Variants in SZRD1 observed in about 807,000 individuals in gnomAD.
SZRD1 encodes the protein SUZ RNA binding domain containing 1.
A neutral mutation model predicts 17.6 loss-of-function variants in SZRD1; 7 were observed. The observed-to-expected ratio is 0.40, with a 90% CI of 0.23 to 0.75. The LOEUF is 0.75. Among genes scored for constraint, SZRD1 ranks in the 30% least tolerant of loss-of-function variants. The probability of loss-of-function intolerance (pLI) is 0.38; values close to 1 mark genes in which losing one functional copy is unlikely to be tolerated. For synonymous variants in SZRD1, 77 were observed against 77.9 expected, an observed-to-expected ratio of 0.99 and a Z score of 0.06; for missense variants, 178 against 201.8, an observed-to-expected ratio of 0.88 and a Z score of 0.71.
At chr1:16,384,529 G>A (rs556072572) in intron 1 of SZRD1, among the ~76,000 whole-genome samples, 1 of 152,192 alleles carries the variant, frequency 6.6e-6, no homozygotes, top group Non-Finnish European at 1.5e-5. Flanking sequence ...TGATTCCCAA[G>A]GAATCAGAAT....
chr1:16,386,111 C>T (rs541136136), intron 1 of SZRD1, among the ~76,000 whole-genome samples: 2 of 152,338 alleles, frequency 1.3e-5, no homozygotes, highest in Admixed American at 6.5e-5. Flanking sequence ...CAGAATGTCA[C>T]CTTCTGTGGG....
In SZRD1 at chr1:16,381,598, G is replaced by A. The variant is rs551334561; in HGVS notation, c.52-9777G>A. ...ATCAGAGAAGGTCTCTTAAAGATAG[G>A]TAGAGAGATTTAAAAGAAGTGCAGC... On this transcript the variant is annotated intron_variant, in intron 1 of 3. Coordinates refer to ENST00000401088, the MANE Select transcript of SZRD1 (RefSeq NM_001114600.3). 5.6e-4 allele frequency among the ~76,000 whole-genome samples: 85 copies of A among 150,840 alleles called. 2 individuals are homozygous for A. The South Asian group carries it at 0.013, about 22-fold the overall frequency.
chr1:16,389,466 C>G (rs2085189177), intron 1 of SZRD1, among the ~76,000 whole-genome samples: 2 of 57,108 alleles, frequency 3.5e-5, no homozygotes, highest in Admixed American at 6.3e-4. Flanking sequence ...CAACGCCTGG[C>G]TAATTTTTTT....
Position 16,397,810 on chromosome 1 carries a change from C to T in SZRD1, c.*2670C>T, listed in dbSNP as rs924390572. 4.9e-5 allele frequency: 9 copies of T among 184,706 alleles called. No individual in the cohort carries two copies. Among genetic ancestry groups the T allele is most frequent in the East Asian group, 1.9e-4 (1 of 5,376 alleles). 11.4% of individuals were successfully genotyped at this position (184,706 alleles called of 1,614,324 possible). On this transcript the variant is annotated 3_prime_UTR_variant, in exon 4 of 4. Coordinates refer to ENST00000401088, the MANE Select transcript of SZRD1 (RefSeq NM_001114600.3). The surrounding 1 kb of genome is among the most constrained non-coding windows in gnomAD (Gnocchi z 5.4). ...CCTTCCAGAGCCCATCTGCCCCGCCCAGCCCTGCCCTGCCCAGCCATACCC... is the reference window on the plus strand; with the variant it reads ...CCTTCCAGAGCCCATCTGCCCCGCCTAGCCCTGCCCTGCCCAGCCATACCC...
intron 1 of SZRD1, among the ~76,000 whole-genome samples, chr1:16,378,719 T>C (rs2083043591): frequency 6.6e-6 from 1 of 152,038 alleles, no homozygotes; most frequent in Non-Finnish European, 1.5e-5. Context: ...GATGTTGTTA[T>C]CTGTCAGCCC....
In SZRD1 at chr1:16,395,483, A is replaced by G. The variant is rs546710173; in HGVS notation, c.*343A>G. 2 of 305,774 alleles carry G rather than the reference A, an allele frequency of 6.5e-6. No individual in the cohort carries two copies. The highest frequency in any genetic ancestry group is 4.3e-5 in the African/African-American group (2 of 47,052). 18.9% of individuals were successfully genotyped at this position (305,774 alleles called of 1,614,324 possible). On this transcript the variant is annotated 3_prime_UTR_variant, in exon 4 of 4. Transcript: ENST00000401088. Reference sequence around the variant, plus strand: ...ACTTGGGGTAAAGCCAGTGCCAGCAATAACAGTTTATCATGCTCATTAATT... The same window carrying G: ...ACTTGGGGTAAAGCCAGTGCCAGCAGTAACAGTTTATCATGCTCATTAATT...
chr1:16,393,121 G>T lies in SZRD1; in HGVS notation c.102-107G>T. The T allele has an allele frequency of 6.9e-7, 1 of 1,438,902 alleles. No individual in the cohort carries two copies. Among genetic ancestry groups the T allele is most frequent in the Non-Finnish European group, 9.6e-7 (1 of 1,043,786 alleles). The allele number at this position is 1,438,902 out of a possible 1,614,324, so 89.1% of individuals were successfully genotyped here. ...TCAGAGGCCAGAGAATCATGCATGG[G>T]TAGAATTAGGGAGGGAGAGGAAAGT... is the stretch of plus-strand genomic sequence containing the variant. On this transcript the variant is annotated intron_variant, in intron 2 of 3. Transcript: ENST00000401088. The surrounding 1 kb of genome is among the most constrained non-coding windows in gnomAD (Gnocchi z 5.6).
chr1:16,387,037 A>C, intron 1 of SZRD1: 1 of 282,442 alleles, frequency 3.5e-6, no homozygotes, highest in Non-Finnish European at 6.9e-6. Context: ...GATAAAAGCT[A>C]CTTTGTCTGC....
At chr1:16,374,365 A>G (rs915287050) in intron 1 of SZRD1, among the ~76,000 whole-genome samples, 2 of 152,200 alleles carry the variant, frequency 1.3e-5, no homozygotes, top group Non-Finnish European at 2.9e-5. Flanking sequence ...GGTTGGTTTC[A>G]CTGTGGCTTC....
At chr1:16,373,471 C>T (rs2082945739) in intron 1 of SZRD1, among the ~76,000 whole-genome samples, 1 of 144,874 alleles carries the variant, frequency 6.9e-6, no homozygotes, top group East Asian at 2.2e-4. Context: ...CCCAGCTACT[C>T]GGGAGGCCAA....
rs1382902039 is a variant in SZRD1 at position 16,395,837 on chromosome 1, C to G, written c.*697C>G. Reference sequence around the variant, plus strand: ...CAGAAAAGGGGCAGGGCTCTGCAGCCGCCAGGACAGACGAGCACCCCATGC... The same window carrying G: ...CAGAAAAGGGGCAGGGCTCTGCAGCGGCCAGGACAGACGAGCACCCCATGC... On this transcript the variant is annotated 3_prime_UTR_variant, in exon 4 of 4. Transcript: ENST00000401088. 6.5e-6 allele frequency: 1 copy of G among 153,910 alleles called. No homozygotes were observed. The highest frequency in any genetic ancestry group is 1.5e-5 in the Non-Finnish European group (1 of 68,938). 9.5% of individuals were successfully genotyped at this position (153,910 alleles called of 1,614,324 possible). A position where few individuals can be genotyped will look rare whatever the true frequency, so the allele number is the denominator to read the frequency against.
At chr1:16,382,908 C>T (rs527623141) in intron 1 of SZRD1, among the ~76,000 whole-genome samples, 1 of 152,032 alleles carries the variant, frequency 6.6e-6, no homozygotes, top group Admixed American at 6.6e-5. Flanking sequence ...CTCTCTCCCC[C>T]CTGCTAGAGT....
intron 1 of SZRD1, among the ~76,000 whole-genome samples, chr1:16,377,403 T>C (rs2083023075): frequency 6.6e-6 from 1 of 151,918 alleles, no homozygotes; most frequent in Admixed American, 6.6e-5. Context: ...GCCAACATGG[T>C]GAAACCCTGT....
intron 1 of SZRD1, among the ~76,000 whole-genome samples, chr1:16,388,287 A>G (rs2085161436): frequency 6.6e-6 from 1 of 152,084 alleles, no homozygotes; most frequent in Non-Finnish European, 1.5e-5. Context: ...TTTAGTAGAG[A>G]CGGGGTTTCA....
rs1459177029 is a variant in SZRD1, at chr1:16,391,321, G to C, written c.52-54G>C. 7.4e-7 allele frequency: 1 copy of C among 1,356,390 alleles called. No individual in the cohort carries two copies. Among genetic ancestry groups the C allele is most frequent in the Non-Finnish European group, 1.0e-6 (1 of 972,656 alleles). 84.0% of individuals were successfully genotyped at this position (1,356,390 alleles called of 1,614,324 possible). A position where few individuals can be genotyped will look rare whatever the true frequency, so the allele number is the denominator to read the frequency against. On this transcript the variant is annotated intron_variant, in intron 1 of 3. Transcript: ENST00000401088. The surrounding 1 kb of genome is among the most constrained non-coding windows in gnomAD (Gnocchi z 4.3). ...CCTTAGCTCCAAAAATAAAGACTAA[G>C]TTTTTATTTGAGAGAGATTTTTTCC...
intron 1 of SZRD1, among the ~76,000 whole-genome samples, chr1:16,383,081 G>T (rs1355500483): frequency 6.6e-6 from 1 of 152,096 alleles, no homozygotes; most frequent in Non-Finnish European, 1.5e-5. Context: ...GCTCAGGCTG[G>T]TCTGGAACTC....
In SZRD1 at chr1:16,386,112, C is replaced by T. The variant is rs561447037; in HGVS notation, c.52-5263C>T. ...TTGGACCCGGAACACAGAATGTCAC[C>T]TTCTGTGGGCTGCTTGGTGCTACTT... On this transcript the variant is annotated intron_variant, in intron 1 of 3. Transcript: ENST00000401088. Among the ~76,000 whole-genome samples, 44 of 152,356 alleles carry T rather than the reference C, an allele frequency of 2.9e-4. 2 individuals carry two copies. In the South Asian group the frequency reaches 8.9e-3, roughly 31 times the overall value.
rs544611704 is a variant in SZRD1 at position 16,375,364 on chromosome 1, A to G, written c.51+8056A>G. ...GGAGTTTCTCTCTGTCACCCAGGCTAGAGTGCAGTGGCGCAATTTCTGCTC... is the reference window on the plus strand; with the variant it reads ...GGAGTTTCTCTCTGTCACCCAGGCTGGAGTGCAGTGGCGCAATTTCTGCTC... On this transcript the variant is annotated intron_variant, in intron 1 of 3. Transcript: ENST00000401088. Among the ~76,000 whole-genome samples the G allele has an allele frequency of 3.0e-4, 45 of 151,166 alleles. 1 individual carries two copies. Among genetic ancestry groups the G allele is most frequent in the Non-Finnish European group, 5.5e-4 (37 of 67,704 alleles).
rs1355319589 is a variant in SZRD1 at position 16,397,702 on chromosome 1, G to A, written c.*2562G>A. On this transcript the variant is annotated 3_prime_UTR_variant, in exon 4 of 4. Coordinates refer to ENST00000401088, the MANE Select transcript of SZRD1 (RefSeq NM_001114600.3). This position sits in a 1 kb window ranked among gnomAD's most constrained non-coding sequence, Gnocchi z 5.4. ...AAAGGAGCTGGGGGGTCCAGGCCTG[G>A]TGACCAACCTTTCTCAGCCCACTCA... 2 of 152,616 alleles carry A rather than the reference G, an allele frequency of 1.3e-5. No homozygotes were observed. The highest frequency in any genetic ancestry group is 3.9e-4 in the East Asian group (2 of 5,194). The allele number at this position is 152,616 out of a possible 1,614,324, so 9.5% of individuals were successfully genotyped here. A position where few individuals can be genotyped will look rare whatever the true frequency, so the allele number is the denominator to read the frequency against.
Sources: gnomAD v4.1 joint callset for allele counts (sites outside exome capture counted in the v4.1 genomes callset) on GRCh38, gnomAD v4.1.1 for gene constraint, Gnocchi (gnomAD v3.1) non-coding constraint, MANE v1.5 for transcripts, NCBI Gene and HGNC (gene_info 2026-07-23, HGNC 2026-07-21) for gene names.